ELL: variants seen among roughly 807,000 people sequenced by gnomAD.
The protein encoded by ELL is elongation factor for RNA polymerase II.
A neutral mutation model predicts 64.0 loss-of-function variants in ELL; 18 were observed. That is an observed-to-expected ratio of 0.28 (90% confidence interval 0.19 to 0.42). The LOEUF is 0.42. Among genes scored for constraint, ELL ranks in the 10% least tolerant of loss-of-function variants. ELL has a pLI of 1.00. For synonymous variants in ELL, 399 were observed against 376.2 expected, an observed-to-expected ratio of 1.06 and a Z score of -0.70; for missense variants, 797 against 870.4, an observed-to-expected ratio of 0.92 and a Z score of 1.06.
Position 18,491,717 on chromosome 19 carries a change from C to A in ELL, c.136-18835G>T, listed in dbSNP as rs184565529. Reference sequence around the variant, plus strand: ...ATCGTTTGAGCCCAGGAGTTGGAGACCAGCCTGGGCAACATAGTGAGACCC... The same window carrying A: ...ATCGTTTGAGCCCAGGAGTTGGAGAACAGCCTGGGCAACATAGTGAGACCC... On this transcript the variant is annotated intron_variant, in intron 1 of 11. Transcript: ENST00000262809. 6.8e-4 allele frequency among the ~76,000 whole-genome samples: 104 copies of A among 152,122 alleles called. 2 individuals are homozygous for A. In the East Asian group the frequency reaches 0.017, roughly 25 times the overall value.
At chr19:18,468,629 G>T (rs1028092197) in intron 2 of ELL, among the ~76,000 whole-genome samples, 12 of 152,128 alleles carry the variant, frequency 7.9e-5, no homozygotes, top group African/African-American at 2.9e-4. Flanking sequence ...GCCTGGCCTG[G>T]GTGGCTCTCC....
chr19:18,502,987 C>A (rs1266652111), intron 1 of ELL, among the ~76,000 whole-genome samples: 1 of 152,246 alleles, frequency 6.6e-6, no homozygotes, highest in Non-Finnish European at 1.5e-5. Flanking sequence ...ACCCACCACA[C>A]ACAGGCACAG....
chr19:18,446,995 T>C (rs1750653601), intron 8 of ELL, among the ~76,000 whole-genome samples, 181 bp from the exon 9 acceptor site: 2 of 152,314 alleles, frequency 1.3e-5, no homozygotes, highest in South Asian at 4.1e-4. Flanking sequence ...CTGGCAACTG[T>C]GGGCTGCTGG....
intron 5 of ELL, 38 bp from the exon 6 acceptor site, chr19:18,458,367 TGAGA>T (rs750224144): frequency 3.1e-5 from 50 of 1,595,784 alleles, no homozygotes; most frequent in Non-Finnish European, 4.2e-5. Flanking sequence ...GTGGGAATCC[TGAGA>T]GAGACGGGGG....
At chr19:18,483,498 G>A (rs557059919) in intron 1 of ELL, among the ~76,000 whole-genome samples, 2 of 152,182 alleles carry the variant, frequency 1.3e-5, no homozygotes, top group African/African-American at 2.4e-5. Context: ...GCAAGGACTC[G>A]TGGTACCACA....
intron 11 of ELL, 32 bp downstream of exon 11, chr19:18,445,192 T>G (rs1385580453): frequency 6.2e-7 from 1 of 1,613,648 alleles, no homozygotes; most frequent in Admixed American, 1.7e-5. Flanking sequence ...CATGGCTCAC[T>G]TGGAGCCCAC....
intron 1 of ELL, among the ~76,000 whole-genome samples, chr19:18,489,383 G>A (rs564929375): frequency 2.0e-5 from 3 of 152,308 alleles, no homozygotes; most frequent in South Asian, 4.1e-4. Flanking sequence ...GGCAGACCTC[G>A]GGCTGGCCGC....
In ELL at chr19:18,444,423, A is replaced by G. The variant is rs1427882431; in HGVS notation, c.*329T>C. The G allele has an allele frequency of 3.4e-6, 1 of 296,484 alleles. No individual in the cohort carries two copies. Among genetic ancestry groups the G allele is most frequent in the African/African-American group, 2.1e-5 (1 of 47,050 alleles). 18.4% of individuals were successfully genotyped at this position (296,484 alleles called of 1,614,324 possible). ...AGTAGCTAAAAGTGGCTGTCTTTGT[A>G]TAAAACTAGAAAAGGCAGGCGCGCC... is the stretch of plus-strand genomic sequence containing the variant. On this transcript the variant is annotated 3_prime_UTR_variant, in exon 12 of 12. Coordinates refer to ENST00000262809, the MANE Select transcript of ELL (RefSeq NM_006532.4).
intron 2 of ELL, among the ~76,000 whole-genome samples, chr19:18,466,813 T>C (rs749734175): frequency 2.6e-5 from 4 of 152,150 alleles, no homozygotes; most frequent in Non-Finnish European, 4.4e-5. Flanking sequence ...GGGGACAACA[T>C]GGGGGGAGCC....
In ELL at chr19:18,522,064, C is replaced by CAG; in HGVS notation, c.-10_-9insCT. On this transcript the variant is annotated 5_prime_UTR_variant, in exon 1 of 12. An upstream start codon of the reference 5' UTR is lost. Transcript: ENST00000262809. Reference sequence around the variant, plus strand: ...TCCTTCAGCGCCGCCATCTTGCGACCATCTCTCCCCCGCGCCCCCTTCCCG... The same window carrying CAG: ...TCCTTCAGCGCCGCCATCTTGCGACCAGATCTCTCCCCCGCGCCCCCTTCCCG... The CAG allele has an allele frequency of 1.3e-6, 2 of 1,593,922 alleles. No homozygotes were observed. Among genetic ancestry groups the CAG allele is most frequent in the South Asian group, 2.2e-5 (2 of 89,586 alleles).
intron 6 of ELL, among the ~76,000 whole-genome samples, chr19:18,453,061 C>T (rs1247955322): frequency 6.6e-6 from 1 of 152,142 alleles, no homozygotes; most frequent in African/African-American, 2.4e-5. Flanking sequence ...CACCTAAGGT[C>T]AGGAGTTCGG....
At chr19:18,480,863 G>A (rs1975285202) in intron 1 of ELL, among the ~76,000 whole-genome samples, 1 of 152,094 alleles carries the variant, frequency 6.6e-6, no homozygotes, top group African/African-American at 2.4e-5. Context: ...TGAACTCCTA[G>A]GTTCAAGCAA....
Position 18,455,523 on chromosome 19 carries a change from G to A in ELL, c.869+2682C>T, listed in dbSNP as rs1471798501. ...AAAAAAAAAAAGAACATGCTCCTACGAAAACGCAATGGGGAAGACTCTTAG... is the reference window on the plus strand; with the variant it reads ...AAAAAAAAAAAGAACATGCTCCTACAAAAACGCAATGGGGAAGACTCTTAG... On this transcript the variant is annotated intron_variant, in intron 6 of 11. Coordinates refer to ENST00000262809, the MANE Select transcript of ELL (RefSeq NM_006532.4). 5.3e-5 allele frequency among the ~76,000 whole-genome samples: 8 copies of A among 150,816 alleles called. No homozygotes were observed. In the East Asian group the frequency reaches 5.8e-4, roughly 11 times the overall value.
intron 1 of ELL, among the ~76,000 whole-genome samples, chr19:18,497,984 C>T (rs1447362576): frequency 2.6e-5 from 4 of 151,546 alleles, no homozygotes; most frequent in South Asian, 2.1e-4. Flanking sequence ...CAAAATTAGC[C>T]GGGTGTGGTG....
chr19:18,463,323 ATCTTT>A (rs1189091103), intron 4 of ELL, among the ~76,000 whole-genome samples: 3 of 125,088 alleles, frequency 2.4e-5, no homozygotes, highest in Non-Finnish European at 4.9e-5. Context: ...GCACATTCAC[ATCTTT>A]TTTTTTTTTT....
Position 18,461,617 on chromosome 19 carries a change from C to T in ELL, c.705G>A (p.Thr235=), listed in dbSNP as rs564066496. The T allele has an allele frequency of 6.2e-5, 99 of 1,608,504 alleles. No homozygotes were observed. The highest frequency in any genetic ancestry group is 1.1e-4 in the African/African-American group (8 of 75,054). ...CATCCAGCGCGTCCTTGTCCGCCTG[C>T]GTCAGGCCGTCCTTCTGCAGTCGCA... The part of the protein sequence containing the change: ...LLLRLQKDGL[T]QADKDALDGL... Residue 235 remains threonine, a synonymous_variant, in exon 5 of 12, where the codon ACG becomes ACA. Transcript: ENST00000262809.
At chr19:18,486,715 A>G (rs1193118655) in intron 1 of ELL, among the ~76,000 whole-genome samples, 1 of 152,110 alleles carries the variant, frequency 6.6e-6, no homozygotes, top group Non-Finnish European at 1.5e-5. Context: ...AAAGCACCCA[A>G]ACCCCTGTCC....
chr19:18,504,094 G>A (rs925580890), intron 1 of ELL, among the ~76,000 whole-genome samples: 4 of 152,358 alleles, frequency 2.6e-5, no homozygotes, highest in South Asian at 2.1e-4. Context: ...GGGCTGTCAC[G>A]GCGGATGCAG....
chr19:18,446,154 TG>T, intron 10 of ELL, 154 bp downstream of exon 10: 1 of 918,844 alleles, frequency 1.1e-6, no homozygotes, highest in Non-Finnish European at 1.6e-6. Flanking sequence ...GCCAGAACCA[TG>T]GGGTTGCTGC....
Sources: allele counts gnomAD v4.1 joint callset (sites outside exome capture counted in the v4.1 genomes callset), GRCh38; gene constraint gnomAD v4.1.1; transcripts MANE v1.5; gene names NCBI Gene and HGNC (gene_info 2026-07-23, HGNC 2026-07-21).